PPP4R3B: variants seen among roughly 807,000 people sequenced by gnomAD.
PPP4R3B encodes protein phosphatase 4 regulatory subunit 3B.
In PPP4R3B, 52 loss-of-function variants were observed where a neutral mutation model predicts 95.4. That is an observed-to-expected ratio of 0.54 (90% CI 0.44 to 0.69). The LOEUF (loss-of-function observed/expected upper bound fraction) is 0.69. Among genes scored for constraint, PPP4R3B ranks in the 30% least tolerant of loss-of-function variants. The pLI, the probability that PPP4R3B is intolerant of heterozygous loss-of-function variation, is 0.00. For synonymous variants in PPP4R3B, 407 were observed against 343.9 expected (o/e 1.18, Z -2.03); for missense variants, 1,003 against 1,005.9 (o/e 1.00, Z 0.04).
chr2:55,606,168 T>C (rs918754064), intron 2 of PPP4R3B, among the ~76,000 whole-genome samples: 3 of 152,082 alleles, frequency 2.0e-5, no homozygotes, highest in African/African-American at 4.8e-5. Flanking sequence ...CAAAACATTT[T>C]TGACTGCAGT....
intron 13 of PPP4R3B, chr2:55,565,652 A>G (rs1473511248): frequency 5.8e-6 from 1 of 173,678 alleles, no homozygotes; most frequent in East Asian, 1.4e-4. Flanking sequence ...TTTTTCAACA[A>G]ACAGGTCTTA....
At chr2:55,563,837 G>A (rs948510484) in intron 15 of PPP4R3B, among the ~76,000 whole-genome samples, 1 of 152,052 alleles carries the variant, frequency 6.6e-6, no homozygotes, top group African/African-American at 2.4e-5. Context: ...TGAAAGCCAG[G>A]GGAAGTTTTA....
At position 55,617,424 on chromosome 2, in the gene PPP4R3B, C is replaced by A; in HGVS notation, c.-139G>T. On this transcript the variant is annotated 5_prime_UTR_variant, in exon 1 of 17. Transcript: ENST00000616407. The stretch of plus-strand genomic sequence containing the variant: ...GGAGAGGCCCGAATTCACCATGGCT[C>A]CAAAGGTTCAGCCGCGAGAAGGGGT... The A allele has an allele frequency of 9.5e-7, 1 of 1,049,336 alleles. No individual in the cohort carries two copies. Among genetic ancestry groups the A allele is most frequent in the South Asian group, 2.2e-5 (1 of 45,674 alleles). The allele number at this position is 1,049,336 out of a possible 1,614,324, so 65.0% of individuals were successfully genotyped here.
chr2:55,579,338 G>C (rs765877406), intron 9 of PPP4R3B, among the ~76,000 whole-genome samples: 2 of 151,856 alleles, frequency 1.3e-5, no homozygotes, highest in African/African-American at 2.4e-5. Context: ...CAAATTTGGC[G>C]ACAATGCTTT....
chr2:55,576,888 G>A (rs1184640229), intron 11 of PPP4R3B, among the ~76,000 whole-genome samples: 5 of 152,108 alleles, frequency 3.3e-5, no homozygotes, highest in African/African-American at 4.8e-5. Flanking sequence ...GACGGTAGGT[G>A]CACACAGCAC....
At chr2:55,581,745 G>T in intron 7 of PPP4R3B, 47 bp from the exon 8 acceptor site, 1 of 1,577,484 alleles carries the variant, frequency 6.3e-7, no homozygotes, top group Non-Finnish European at 8.6e-7. Context: ...ATTAGACCTG[G>T]TTTAGATCTA....
In PPP4R3B at chr2:55,617,343, C is replaced by T. The variant is rs967403395; in HGVS notation, c.-58G>A. The T allele has an allele frequency of 6.6e-7, 1 of 1,512,700 alleles. No homozygotes were observed. The highest frequency in any genetic ancestry group is 8.9e-7 in the Non-Finnish European group (1 of 1,125,718). 93.7% of individuals were successfully genotyped at this position (1,512,700 alleles called of 1,614,324 possible). On this transcript the variant is annotated 5_prime_UTR_variant, in exon 1 of 17. Coordinates refer to ENST00000616407, the MANE Select transcript of PPP4R3B (RefSeq NM_001122964.3). ...CCTCCTCGCTTACCTCGTCCGCGCT[C>T]CTCACTCTTAGGAGACGGTAAAGGC...
intron 2 of PPP4R3B, among the ~76,000 whole-genome samples, chr2:55,612,580 T>C (rs976159866): frequency 2.0e-5 from 3 of 152,084 alleles, no homozygotes; most frequent in South Asian, 2.1e-4. Context: ...AGTTTTGTAA[T>C]AAATTTTTTA....
At chr2:55,579,465 G>A (rs997683674) in intron 9 of PPP4R3B, among the ~76,000 whole-genome samples, 3 of 151,586 alleles carry the variant, frequency 2.0e-5, no homozygotes, top group African/African-American at 7.3e-5. Context: ...ACAAACTATA[G>A]AAATGGCCCC....
At chr2:55,566,403 T>C (rs1231893099) in intron 13 of PPP4R3B, among the ~76,000 whole-genome samples, 1 of 152,180 alleles carries the variant, frequency 6.6e-6, no homozygotes, top group African/African-American at 2.4e-5. Flanking sequence ...ACTCTACCAT[T>C]TGCTTTATCT....
chr2:55,594,504 T>C (rs755469726), intron 4 of PPP4R3B, among the ~76,000 whole-genome samples: 1 of 152,104 alleles, frequency 6.6e-6, no homozygotes, highest in African/African-American at 2.4e-5. Context: ...AATAAACCTA[T>C]TATAAAATAC....
chr2:55,560,196 G>A (rs946994615), intron 15 of PPP4R3B, among the ~76,000 whole-genome samples: 1 of 152,108 alleles, frequency 6.6e-6, no homozygotes, highest in Non-Finnish European at 1.5e-5. Context: ...CAATTTGGAG[G>A]GCTTAGAAAA....
intron 4 of PPP4R3B, among the ~76,000 whole-genome samples, chr2:55,590,795 C>T (rs1170502277): frequency 6.6e-6 from 1 of 152,194 alleles, no homozygotes; most frequent in Non-Finnish European, 1.5e-5. Flanking sequence ...CTTTTTCTTA[C>T]TGAGGATCAT....
At chr2:55,573,513 A>T in intron 12 of PPP4R3B, 106 bp downstream of exon 12, 2 of 1,065,232 alleles carry the variant, frequency 1.9e-6, no homozygotes, top group Non-Finnish European at 2.7e-6. Flanking sequence ...GACTTCTCAC[A>T]ATCATCTCAT....
intron 2 of PPP4R3B, among the ~76,000 whole-genome samples, chr2:55,613,586 C>G (rs1694492350): frequency 6.6e-6 from 1 of 152,056 alleles, no homozygotes; most frequent in East Asian, 1.9e-4. Context: ...CTAAAGTATT[C>G]ACAGAATCAC....
At chr2:55,553,248 C>T (rs538964059) in intron 16 of PPP4R3B, among the ~76,000 whole-genome samples, 4 of 152,282 alleles carry the variant, frequency 2.6e-5, no homozygotes, top group South Asian at 4.1e-4. Context: ...TGAGCAGACA[C>T]GCCTACCCCA....
rs1216506255 is a variant in PPP4R3B, at chr2:55,617,225, C to T, written c.61G>A (p.Asp21Asn). 3 of 1,614,062 alleles carry T rather than the reference C, an allele frequency of 1.9e-6. No homozygotes were observed. The highest frequency in any genetic ancestry group is 2.2e-5 in the South Asian group (2 of 91,078). The change falls in exon 1 of 17, where the codon GAC (aspartate) becomes AAC (asparagine). Residue 21 changes from aspartate to asparagine, a missense_variant. Physicochemically the swap from Asp to Asn is conservative, Grantham distance 23. Coordinates refer to ENST00000616407, the MANE Select transcript of PPP4R3B (RefSeq NM_001122964.3). ...YTLNEDRQWD[D>N]RGTGHVSSTY... The stretch of plus-strand genomic sequence containing the variant: ...GAGGAGACGTGCCCGGTGCCTCGGT[C>T]GTCCCATTGCCGGTCTTCGTTCAGG...
At chr2:55,558,384 C>T (rs1237714438) in intron 16 of PPP4R3B, among the ~76,000 whole-genome samples, 3 of 151,978 alleles carry the variant, frequency 2.0e-5, no homozygotes, top group Non-Finnish European at 2.9e-5. Flanking sequence ...CCGAGGTGGG[C>T]GGAACATGAG....
chr2:55,585,713 C>T (rs1407376423), intron 6 of PPP4R3B, among the ~76,000 whole-genome samples: 1 of 152,130 alleles, frequency 6.6e-6, no homozygotes, highest in Admixed American at 6.6e-5. Flanking sequence ...CCCTCCAACA[C>T]ATGAAGAGTA....
Sources: gnomAD v4.1 joint callset for allele counts (sites outside exome capture counted in the v4.1 genomes callset) on GRCh38, gnomAD v4.1.1 for gene constraint, MANE v1.5 for transcripts, NCBI Gene and HGNC (gene_info 2026-07-23, HGNC 2026-07-21) for gene names.